MINK1: variants seen among roughly 807,000 people sequenced by gnomAD.
MINK1 encodes misshapen like kinase 1.
MINK1 carries 46 observed loss-of-function variants against 178.4 expected under a neutral mutation model. The ratio of observed to expected loss-of-function variants is 0.26; its 90% CI spans 0.20 to 0.33. MINK1 has a LOEUF of 0.33. Among genes scored for constraint, MINK1 ranks in the 10% least tolerant of loss-of-function variants. The pLI, the probability that MINK1 is intolerant of heterozygous loss-of-function variation, is 1.00. For missense variants in MINK1, 1,366 were observed against 1,814.9 expected (o/e 0.75, Z 4.49); for synonymous variants, 797 against 709.7 (o/e 1.12, Z -1.96).
At chr17:4,847,108 A>G in intron 1 of MINK1, 1 of 458,402 alleles carries the variant, frequency 2.2e-6, no homozygotes, top group South Asian at 1.5e-5. Flanking sequence ...CTATCTCTAA[A>G]GAGCTGTCAG....
At chr17:4,855,662 CG>C (rs2150843762) in intron 1 of MINK1, among the ~76,000 whole-genome samples, 1 of 147,742 alleles carries the variant, frequency 6.8e-6, no homozygotes. Context: ...CCCAGCTACT[CG>C]GGAGGCTGAG....
At chr17:4,858,375 G>A (rs1913541114) in intron 1 of MINK1, among the ~76,000 whole-genome samples, 1 of 152,102 alleles carries the variant, frequency 6.6e-6, no homozygotes, top group South Asian at 2.1e-4. Flanking sequence ...CAAGACGCTG[G>A]CAGCCTTGTT....
At chr17:4,867,074 A>AAATAATAATGAT (rs1915100584) in intron 1 of MINK1, among the ~76,000 whole-genome samples, 1 of 119,966 alleles carries the variant, frequency 8.3e-6, no homozygotes, top group Admixed American at 9.6e-5. Context: ...ACTCGTCTCA[A>AAATAATAATGAT]AATAATAATA....
At chr17:4,872,324 A>T (rs1490633858) in intron 1 of MINK1, among the ~76,000 whole-genome samples, 1 of 146,942 alleles carries the variant, frequency 6.8e-6, no homozygotes, top group African/African-American at 2.5e-5. Context: ...AATGAGACTA[A>T]GTCTTAAAAA....
chr17:4,868,903 C>A, intron 1 of MINK1: 2 of 254,284 alleles, frequency 7.9e-6, no homozygotes, highest in Admixed American at 5.4e-5. Context: ...GTGCACACTG[C>A]CACACCTGGC....
intron 21 of MINK1, 54 bp downstream of exon 21, chr17:4,893,651 A>G (rs1354760803): frequency 3.4e-6 from 5 of 1,491,918 alleles, no homozygotes; most frequent in Non-Finnish European, 4.5e-6. Context: ...AGGGAGGGGA[A>G]GTGGCAGTGG....
In MINK1 at chr17:4,886,309, G is replaced by A; in HGVS notation, c.773+111G>A. On this transcript the variant is annotated intron_variant, in intron 9 of 31. Transcript: ENST00000355280. The surrounding 1 kb of genome is among the most constrained non-coding windows in gnomAD (Gnocchi z 6.1). ...GATCTCACCAGAGAAGAGATTCTGG[G>A]GGGCAGAGGGCGGTGACTGGTGTTG... 2 of 1,513,850 alleles carry A rather than the reference G, an allele frequency of 1.3e-6. No homozygotes were observed. Among genetic ancestry groups the A allele is most frequent in the Non-Finnish European group, 9.2e-7 (1 of 1,091,238 alleles). 93.8% of individuals were successfully genotyped at this position (1,513,850 alleles called of 1,614,324 possible).
In MINK1 at chr17:4,893,614, G is replaced by C; in HGVS notation, c.2564+17G>C. 1 of 1,517,486 alleles carries C rather than the reference G, an allele frequency of 6.6e-7. No individual in the cohort carries two copies. The highest frequency in any genetic ancestry group is 8.8e-7 in the Non-Finnish European group (1 of 1,131,252). The allele number at this position is 1,517,486 out of a possible 1,614,324, so 94.0% of individuals were successfully genotyped here. On this transcript the variant is annotated intron_variant, in intron 21 of 31. Coordinates refer to ENST00000355280, the MANE Select transcript of MINK1 (RefSeq NM_153827.5). ...TGGGGGCCGGTACGGCATCGGGAGT[G>C]GGGCCCTCCCACTCCAAGGCACAGG...
intron 1 of MINK1, among the ~76,000 whole-genome samples, chr17:4,846,425 CT>C (rs928162187): frequency 6.6e-6 from 1 of 152,194 alleles, no homozygotes; most frequent in Non-Finnish European, 1.5e-5. Flanking sequence ...CTAAAGCGTA[CT>C]TTTTTCTTAG....
At chr17:4,859,270 C>G in intron 1 of MINK1, 1 of 985,380 alleles carries the variant, frequency 1.0e-6, no homozygotes, top group Non-Finnish European at 1.2e-6. Flanking sequence ...TCCTGGAATG[C>G]TTAATGGACC....
intron 1 of MINK1, among the ~76,000 whole-genome samples, chr17:4,865,470 C>T (rs1052527299): frequency 4.0e-5 from 6 of 151,850 alleles, no homozygotes; most frequent in African/African-American, 1.5e-4. Context: ...TAACCAGACA[C>T]TGGACTAGAG....
At chr17:4,860,879 G>C (rs1914068227) in intron 1 of MINK1, 1 of 479,496 alleles carries the variant, frequency 2.1e-6, no homozygotes, top group Non-Finnish European at 4.2e-6. Flanking sequence ...GGAAGCTTTT[G>C]AAGCTGGGGA....
intron 1 of MINK1, among the ~76,000 whole-genome samples, chr17:4,834,482 A>G (rs894192255): frequency 6.6e-6 from 1 of 152,204 alleles, no homozygotes; most frequent in African/African-American, 2.4e-5. Flanking sequence ...GGCTGGAAGC[A>G]ATGGAGACCT....
intron 1 of MINK1, among the ~76,000 whole-genome samples, chr17:4,859,788 C>CAAAAAAAAAAA (rs397857604): frequency 1.9e-4 from 10 of 51,892 alleles, no homozygotes; most frequent in Admixed American, 2.7e-4. Context: ...AACTCCATCT[C>CAAAAAAAAAAA]AAAAAAAAAA....
In MINK1 at chr17:4,894,110, T is replaced by C. The variant is rs1187443034; in HGVS notation, c.2670+17T>C. On this transcript the variant is annotated intron_variant, in intron 22 of 31. Transcript: ENST00000355280. The surrounding 1 kb of genome is among the most constrained non-coding windows in gnomAD (Gnocchi z 4.1). The stretch of plus-strand genomic sequence containing the variant: ...GTCCAGCGCGTGAGTGAGCCTCTGC[T>C]CCCTCCCCTGTACCTGTGTGTGCCC... The C allele has an allele frequency of 6.2e-7, 1 of 1,601,338 alleles. No homozygotes were observed. The highest frequency in any genetic ancestry group is 1.7e-4 in the Middle Eastern group (1 of 5,994).
In MINK1 at chr17:4,892,445, G is replaced by A. The variant is rs1311956714; in HGVS notation, c.2131G>A (p.Ala711Thr). ...SAWQIYLQRR[A>T]ERGTPKPPGP... ...CTGGCAAATCTATCTGCAAAGGCGG[G>A]CAGAGCGGGGCACCCCAAAGCCTCC... Residue 711 changes from alanine (A) to threonine (T), a missense_variant, in exon 18 of 32, where the codon GCA (alanine) becomes ACA (threonine). Ala to Thr is a moderately conservative substitution (Grantham distance 58). Transcript: ENST00000355280. The A allele has an allele frequency of 6.4e-7, 1 of 1,564,760 alleles. No homozygotes were observed.
At chr17:4,882,984 G>A (rs1967843446) in intron 4 of MINK1, 1 of 151,712 alleles carries the variant, frequency 6.6e-6, no homozygotes, top group African/African-American at 2.4e-5. Context: ...AGCCGGGCGT[G>A]GTGGCATGCG....
rs1262069922 is a variant in MINK1, at chr17:4,880,971, C to A, written c.124-13C>A. 5 of 1,492,912 alleles carry A rather than the reference C, an allele frequency of 3.3e-6. No individual in the cohort carries two copies. The South Asian group carries it at 6.5e-5, about 20-fold the overall frequency. The allele number at this position is 1,492,912 out of a possible 1,614,324, so 92.5% of individuals were successfully genotyped here. A position where few individuals can be genotyped will look rare whatever the true frequency, so the allele number is the denominator to read the frequency against. On this transcript the variant is annotated splice_polypyrimidine_tract_variant and intron_variant, in intron 2 of 31. Coordinates refer to ENST00000355280, the MANE Select transcript of MINK1 (RefSeq NM_153827.5). ...ACCCTCTGAGCATAGACTCAGATCC[C>A]TCTGTCCCGCAGGGTCGGCATGTCA...
intron 1 of MINK1, among the ~76,000 whole-genome samples, chr17:4,855,983 A>T (rs1402218491): frequency 2.0e-5 from 3 of 152,068 alleles, no homozygotes; most frequent in Non-Finnish European, 4.4e-5. Flanking sequence ...TCAAAAAAAA[A>T]AAAAAAGTCC....
Sources: gnomAD v4.1 joint callset for allele counts (sites outside exome capture counted in the v4.1 genomes callset) on GRCh38, gnomAD v4.1.1 for gene constraint, Gnocchi (gnomAD v3.1) non-coding constraint, MANE v1.5 for transcripts, NCBI Gene and HGNC (gene_info 2026-07-23, HGNC 2026-07-21) for gene names.